ARHGAP29: variants seen among roughly 807,000 people sequenced by gnomAD.
ARHGAP29 encodes rho GTPase-activating protein 29.
ARHGAP29 carries 43 observed loss-of-function variants against 122.6 expected under a neutral mutation model. That is an observed-to-expected ratio of 0.35 (90% confidence interval 0.27 to 0.45). The LOEUF (loss-of-function observed/expected upper bound fraction) is 0.45, where lower values mean the gene tolerates loss of function less well. ARHGAP29 is among the 20% of genes least tolerant of loss of function. The pLI is 1.00. For synonymous variants in ARHGAP29, 506 were observed against 497.1 expected (o/e 1.02, Z -0.24); for missense variants, 1,303 against 1,477.2 (o/e 0.88, Z 1.93).
chr1:94,205,082 C>A lies in ARHGAP29; in HGVS notation c.676G>T (p.Val226Phe). Residue 226 changes from valine to phenylalanine, a missense_variant, in exon 7 of 23, where the codon GTT becomes TTT. By Grantham distance (50) the Val-to-Phe change is conservative (BLOSUM62 -1). Transcript: ENST00000260526. ...SKYTKNIVSW[V>F]EKKLNLELES... ...TCACCCAAGTTAAGCTTTTTTTCAA[C>A]CCATGAAACTATGTTCTTAGTATAT... 6.3e-7 allele frequency: 1 copy of A among 1,575,768 alleles called. No homozygotes were observed. Among genetic ancestry groups the A allele is most frequent in the Non-Finnish European group, 8.6e-7 (1 of 1,165,726 alleles).
At chr1:94,175,886 A>G (rs1353596041) in intron 22 of ARHGAP29, among the ~76,000 whole-genome samples, 2 of 151,782 alleles carry the variant, frequency 1.3e-5, no homozygotes, top group Admixed American at 6.6e-5. Flanking sequence ...TGTATTTTTA[A>G]TAGAGACAGG....
intron 20 of ARHGAP29, 114 bp downstream of exon 20, chr1:94,179,611 A>G (rs1649323106): frequency 3.1e-6 from 2 of 638,588 alleles, no homozygotes; most frequent in Non-Finnish European, 4.9e-6. Flanking sequence ...AAAAAAAAAA[A>G]AAAAAAAGAA....
chr1:94,310,252 C>G, the ARHGAP29 span, among the ~76,000 whole-genome samples: 1 of 152,114 alleles, frequency 6.6e-6, no homozygotes, highest in South Asian at 2.1e-4. Flanking sequence ...AGAGCTCAAG[C>G]TGAGTTCGTA....
intron 1 of ARHGAP29, among the ~76,000 whole-genome samples, chr1:94,233,135 T>A (rs933129615): frequency 2.0e-5 from 3 of 151,918 alleles, no homozygotes; most frequent in African/African-American, 7.3e-5. Flanking sequence ...TTTTTTTTTG[T>A]AGAGATACAG....
At chr1:94,263,007 A>G (rs1295849765) in intron 1 of ARHGAP29, among the ~76,000 whole-genome samples, 1 of 152,236 alleles carries the variant, frequency 6.6e-6, no homozygotes, top group African/African-American at 2.4e-5. Context: ...ATGCCCATCA[A>G]CGGTAATCTG....
the ARHGAP29 span, among the ~76,000 whole-genome samples, chr1:94,290,667 C>A: frequency 6.6e-6 from 1 of 152,190 alleles, no homozygotes; most frequent in East Asian, 1.9e-4. Context: ...TTTCTGCCTT[C>A]ATTTCGTCAC....
chr1:94,231,457 A>G lies in ARHGAP29; in HGVS notation c.155T>C (p.Ile52Thr), dbSNP rs1045620186. The change falls in exon 2 of 23, where the codon ATC (isoleucine) becomes ACC (threonine). Residue 52 changes from isoleucine to threonine, a missense_variant. Around this residue, in one of 3 missense-constraint regions of ARHGAP29, gnomAD observed 592 missense variants for 648.2 expected, o/e 0.91. Coordinates refer to ENST00000260526, the MANE Select transcript of ARHGAP29 (RefSeq NM_004815.4). ...PDYIKELVND[I>T]RKFSHMLLYL... is the part of the protein sequence containing the mutation. Reference sequence around the variant, plus strand: ...TAGTAACATGTGGGAGAACTTCCTGATATCATTCACCAACTCCTTGATGTA... The same window carrying G: ...TAGTAACATGTGGGAGAACTTCCTGGTATCATTCACCAACTCCTTGATGTA... The G allele has an allele frequency of 1.2e-5, 19 of 1,613,618 alleles. No individual in the cohort carries two copies. Among genetic ancestry groups the G allele is most frequent in the Non-Finnish European group, 1.4e-5 (16 of 1,179,720 alleles).
At chr1:94,307,776 AATAG>A in the ARHGAP29 span, among the ~76,000 whole-genome samples, 2 of 152,260 alleles carry the variant, frequency 1.3e-5, no homozygotes, top group East Asian at 3.8e-4. Context: ...TAAAAAGTTA[AATAG>A]ATTTTAAAAG....
intron 2 of ARHGAP29, among the ~76,000 whole-genome samples, chr1:94,223,887 A>C (rs546085572): frequency 1.1e-3 from 167 of 151,816 alleles, no homozygotes; most frequent in African/African-American, 3.8e-3. Flanking sequence ...AGCTCAGTGC[A>C]ACCTCTGCCT....
intron 19 of ARHGAP29, among the ~76,000 whole-genome samples, chr1:94,181,066 G>C (rs1195630878): frequency 9.2e-5 from 14 of 152,180 alleles, no homozygotes; most frequent in Admixed American, 9.2e-4. Context: ...CTAAAATACA[G>C]TAAGCCCACA....
At position 94,268,061 on chromosome 1, in the gene ARHGAP29, C is replaced by CA. The variant is rs553319525; in HGVS notation, c.-33+6950dup. Among the ~76,000 whole-genome samples the CA allele has an allele frequency of 1.5e-3, 227 of 151,998 alleles. 3 individuals are homozygous for CA. The highest frequency in any genetic ancestry group is 5.2e-3 in the African/African-American group (216 of 41,446). Reference sequence around the variant, plus strand: ...GCAAACATAAACTTCTTCTGATAAACAAAAAAACTAGTAAATTTCATTATA... The same window carrying CA: ...GCAAACATAAACTTCTTCTGATAAACAAAAAAAACTAGTAAATTTCATTATA... On this transcript the variant is annotated intron_variant and NMD_transcript_variant, in intron 1 of 25. Transcript: ENST00000552844.
upstream of ARHGAP29, chr1:94,237,590 C>A: frequency 2.0e-6 from 2 of 989,196 alleles, no homozygotes; most frequent in Non-Finnish European, 2.4e-6. Context: ...CCACTGCAGC[C>A]GCCACCGCCC....
chr1:94,209,373 A>G (rs762910961), intron 3 of ARHGAP29, 23 bp from the exon 4 acceptor site: 17 of 1,483,958 alleles, frequency 1.1e-5, no homozygotes, highest in Non-Finnish European at 1.6e-5. Context: ...GTTGGTTACA[A>G]TAAGGAAAAA....
chr1:94,191,107 T>C (rs1303276177), intron 12 of ARHGAP29: 1 of 152,104 alleles, frequency 6.6e-6, no homozygotes, highest in Non-Finnish European at 1.5e-5. Context: ...TTGAAGTATA[T>C]GGAAAGAGCT....
chr1:94,247,643 T>C (rs2100688514), intron 1 of ARHGAP29, among the ~76,000 whole-genome samples: 1 of 151,410 alleles, frequency 6.6e-6, no homozygotes, highest in South Asian at 2.1e-4. Context: ...GGGCTGGAGC[T>C]CGCCGCCCCC....
intron 2 of ARHGAP29, 30 bp downstream of exon 2, chr1:94,231,377 A>C (rs1219660282): frequency 6.3e-7 from 1 of 1,583,838 alleles, no homozygotes; most frequent in Non-Finnish European, 8.7e-7. Flanking sequence ...CAAACTATCC[A>C]GCAAGAATGC....
At chr1:94,234,795 T>G (rs921528027) in intron 1 of ARHGAP29, among the ~76,000 whole-genome samples, 1 of 152,206 alleles carries the variant, frequency 6.6e-6, no homozygotes, top group Non-Finnish European at 1.5e-5. Flanking sequence ...ACATCACTCT[T>G]GCAGTTTACT....
At chr1:94,270,626 T>C (rs1052157549) in intron 1 of ARHGAP29, among the ~76,000 whole-genome samples, 8 of 152,230 alleles carry the variant, frequency 5.3e-5, no homozygotes, top group East Asian at 3.9e-4. Context: ...CCAGCACCTC[T>C]CCCTCAGTTG....
chr1:94,253,664 G>GCACA (rs1464085232), intron 1 of ARHGAP29, among the ~76,000 whole-genome samples: 1 of 151,866 alleles, frequency 6.6e-6, no homozygotes, highest in Non-Finnish European at 1.5e-5. Flanking sequence ...ACGCACGCAC[G>GCACA]CACGCACATG....
Sources: gnomAD v4.1 joint callset for allele counts (sites outside exome capture counted in the v4.1 genomes callset) on GRCh38, gnomAD v4.1.1 for gene constraint, gnomAD v4.1.1 regional missense constraint, MANE v1.5 for transcripts, NCBI Gene and HGNC (gene_info 2026-07-23, HGNC 2026-07-21) for gene names.